Variants in SGSH observed in about 807,000 individuals in gnomAD.
The protein encoded by SGSH is N-sulfoglucosamine sulfohydrolase.
In SGSH, 48 loss-of-function variants were observed where a neutral mutation model predicts 51.0. The ratio of observed to expected loss-of-function variants is 0.94; its 90% confidence interval spans 0.75 to 1.20. The LOEUF is 1.20. Among genes scored for constraint, SGSH ranks in the 50% most tolerant of loss-of-function variants. The pLI, the probability that SGSH is intolerant of heterozygous loss-of-function variation, is 0.00. For synonymous variants in SGSH, 321 were observed against 313.4 expected (o/e 1.02, Z -0.26); for missense variants, 662 against 717.8 (o/e 0.92, Z 0.89).
intron 1 of SGSH, among the ~76,000 whole-genome samples, chr17:80,217,761 A>G (rs2041947280): frequency 6.7e-6 from 1 of 149,148 alleles, no homozygotes; most frequent in African/African-American, 2.5e-5. Flanking sequence ...GTAGACTGGT[A>G]TCCAGCAGGG....
At position 80,214,538 on chromosome 17, in the gene SGSH, T is replaced by C. The variant is rs1223223132; in HGVS notation, c.506+77A>G. The C allele has an allele frequency of 5.4e-6, 8 of 1,492,258 alleles. No individual in the cohort carries two copies. The East Asian group carries it at 1.5e-4, about 27-fold the overall frequency. The allele number at this position is 1,492,258 out of a possible 1,614,324, so 92.4% of individuals were successfully genotyped here. On this transcript the variant is annotated intron_variant, in intron 4 of 7. Transcript: ENST00000326317. ...CCCATTCGAGCCACGTGGGGGCCCA[T>C]GCATCCCGCCGGAAGACTCCGGGCT...
downstream of SGSH, chr17:80,201,744 G>A (rs555817181): frequency 6.2e-7 from 1 of 1,614,028 alleles, no homozygotes; most frequent in African/African-American, 1.3e-5. This position sits in a 1 kb window ranked among gnomAD's most constrained non-coding sequence, Gnocchi z 5.0. Context: ...TTGCCCTCAG[G>A]TTGATTACGA....
At position 80,212,221 on chromosome 17, in the gene SGSH, G is replaced by A. The variant is rs1182273458; in HGVS notation, c.799C>T (p.Leu267=). 6.2e-7 allele frequency: 1 copy of A among 1,613,292 alleles called. No individual in the cohort carries two copies. Among genetic ancestry groups the A allele is most frequent in the East Asian group, 2.2e-5 (1 of 44,882 alleles). Residue 267 remains leucine, a synonymous_variant, in exon 7 of 8, where the codon CTG becomes TTG. Transcript: ENST00000326317. This position sits in a 1 kb window ranked among gnomAD's most constrained non-coding sequence, Gnocchi z 5.9. ...LRDAGVLNDT[L]VIFTSDNGIP... is the part of the protein sequence containing the mutation. Reference sequence around the variant, plus strand: ...CCGTTGTCGGACGTGAAGATCACCAGTGTGTCGTTCAGGACACCGGCGTCA... The same window carrying A: ...CCGTTGTCGGACGTGAAGATCACCAATGTGTCGTTCAGGACACCGGCGTCA...
the SGSH span, chr17:80,200,786 A>C: frequency 6.3e-6 from 1 of 158,938 alleles, no homozygotes; most frequent in Non-Finnish European, 1.4e-5. Flanking sequence ...TCCTGCAACT[A>C]GACGGTCCCA....
downstream of SGSH, chr17:80,206,874 G>T (rs2041347707): frequency 8.2e-6 from 6 of 732,324 alleles, no homozygotes; most frequent in Non-Finnish European, 1.1e-5. Flanking sequence ...CCTGCCCTCA[G>T]CCTGTCCGGA....
Position 80,209,894 on chromosome 17 carries a change from G to C in SGSH, c.*558C>G. 1 of 992,372 alleles carries C rather than the reference G, an allele frequency of 1.0e-6. No homozygotes were observed. The highest frequency in any genetic ancestry group is 1.7e-5 in the African/African-American group (1 of 57,414). The allele number at this position is 992,372 out of a possible 1,614,324, so 61.5% of individuals were successfully genotyped here. A position where few individuals can be genotyped will look rare whatever the true frequency, so the allele number is the denominator to read the frequency against. On this transcript the variant is annotated 3_prime_UTR_variant, in exon 8 of 8. Coordinates refer to ENST00000326317, the MANE Select transcript of SGSH (RefSeq NM_000199.5). ...GGCAAAACAGAAGAAGCAGAAACCT[G>C]CCCAAAGGTCGCTCAAAGGCTTCCT... is the stretch of plus-strand genomic sequence containing the variant.
chr17:80,206,209 C>T (rs1364954503), downstream of SGSH, among the ~76,000 whole-genome samples: 1 of 152,070 alleles, frequency 6.6e-6, no homozygotes, highest in African/African-American at 2.4e-5. Context: ...TCACGCCTGT[C>T]ATCCCAGCAC....
In SGSH at chr17:80,214,691, A is replaced by C. The variant is rs2041819610; in HGVS notation, c.430T>G (p.Ser144Ala). 6.2e-7 allele frequency: 1 copy of C among 1,613,044 alleles called. No homozygotes were observed. Among genetic ancestry groups the C allele is most frequent in the African/African-American group, 1.3e-5 (1 of 74,898 alleles). ...ATGTTCCGCCCCACCTGGAGGACGGAGCCATTCTCCTCCGTGTACGCAAAG... is the reference window on the plus strand; with the variant it reads ...ATGTTCCGCCCCACCTGGAGGACGGCGCCATTCTCCTCCGTGTACGCAAAG... ...FDFAYTEENG[S>A]VLQVGRNITR... The change falls in exon 4 of 8, where the codon TCC becomes GCC. Residue 144 changes from serine (S) to alanine (A), a missense_variant. By Grantham distance (99) the Ser-to-Ala change is moderately conservative. Coordinates refer to ENST00000326317, the MANE Select transcript of SGSH (RefSeq NM_000199.5).
downstream of SGSH, among the ~76,000 whole-genome samples, chr17:80,207,321 T>C (rs1353212501): frequency 2.0e-5 from 3 of 152,146 alleles, no homozygotes; most frequent in South Asian, 2.1e-4. Flanking sequence ...GAGGCCAGGG[T>C]GGGCAGATTG....
chr17:80,212,030 C>T lies in SGSH; in HGVS notation c.949+41G>A, dbSNP rs1363643957. ...ACAGGTCATGGCCCCGTCCCAGATC[C>T]ACTCCCACACCTTTCCTGACGGAGA... On this transcript the variant is annotated intron_variant, in intron 7 of 7. Coordinates refer to ENST00000326317, the MANE Select transcript of SGSH (RefSeq NM_000199.5). The surrounding 1 kb of genome is among the most constrained non-coding windows in gnomAD (Gnocchi z 5.9). 1.3e-6 allele frequency: 2 copies of T among 1,557,402 alleles called. No homozygotes were observed. Among genetic ancestry groups the T allele is most frequent in the Admixed American group, 1.7e-5 (1 of 59,812 alleles).
rs1467308564 is a variant in SGSH, at chr17:80,210,039, T to C, written c.*413A>G. ...GCTCTCTGTGAAGGGTTCAGAAGTA[T>C]CTGTGGCTGCCAAAGCCTGAAGAGG... On this transcript the variant is annotated 3_prime_UTR_variant, in exon 8 of 8. Transcript: ENST00000326317. 10 of 1,099,244 alleles carry C rather than the reference T, an allele frequency of 9.1e-6. No homozygotes were observed. Among genetic ancestry groups the C allele is most frequent in the Non-Finnish European group, 8.9e-6 (8 of 898,200 alleles). The allele number at this position is 1,099,244 out of a possible 1,614,324, so 68.1% of individuals were successfully genotyped here.
chr17:80,218,656 C>T (rs867229990), intron 1 of SGSH, among the ~76,000 whole-genome samples: 2 of 152,206 alleles, frequency 1.3e-5, no homozygotes, highest in South Asian at 2.1e-4. Context: ...GCTCCGTACC[C>T]GCAGGCCAGG....
At chr17:80,205,118 C>T (rs1022967956), downstream of SGSH, 28 of 1,613,540 alleles carry the variant, frequency 1.7e-5, no homozygotes, top group Non-Finnish European at 2.2e-5. Context: ...CGCCCGGCCC[C>T]GGCCTGTGCT....
At chr17:80,208,111 C>A (rs771489106), downstream of SGSH, 4 of 1,482,696 alleles carry the variant, frequency 2.7e-6, no homozygotes, top group South Asian at 5.3e-5. Flanking sequence ...CCCCTGAGCC[C>A]GCCCCCCCCA....
At chr17:80,211,043 A>G in intron 7 of SGSH, 32 bp from the exon 8 acceptor site, 1 of 1,597,666 alleles carries the variant, frequency 6.3e-7, no homozygotes, top group Non-Finnish European at 8.5e-7. Flanking sequence ...AGAGCAGCAG[A>G]GCCCTCAGCA....
At chr17:80,215,851 C>A (rs1399073533) in intron 2 of SGSH, among the ~76,000 whole-genome samples, 2 of 152,098 alleles carry the variant, frequency 1.3e-5, no homozygotes, top group Non-Finnish European at 2.9e-5. Context: ...TTCATAGCAG[C>A]TTTATTCACA....
chr17:80,207,662 CA>C (rs2041408991), downstream of SGSH: 1 of 159,832 alleles, frequency 6.3e-6, no homozygotes, highest in Non-Finnish European at 1.4e-5. Flanking sequence ...GTGCCTTTTA[CA>C]GTGGGCAAAA....
At chr17:80,202,708 G>T (rs1255371648), downstream of SGSH, 7 of 930,852 alleles carry the variant, frequency 7.5e-6, no homozygotes, top group South Asian at 5.7e-5. Flanking sequence ...ATCCCCGTCT[G>T]TGGTGGGGCC....
Position 80,214,334 on chromosome 17 carries a change from C to G in SGSH, c.507-6G>C. On this transcript the variant is annotated splice_polypyrimidine_tract_variant and splice_region_variant and intron_variant, in intron 4 of 7. Coordinates refer to ENST00000326317, the MANE Select transcript of SGSH (RefSeq NM_000199.5). ...CGACGTAGAGGAAGAAAGGCCTGCA[C>G]GGGAGGAGGCTCATTGCCAAGGCTG... 6.2e-7 allele frequency: 1 copy of G among 1,610,816 alleles called. No homozygotes were observed. Among genetic ancestry groups the G allele is most frequent in the Non-Finnish European group, 8.5e-7 (1 of 1,178,582 alleles).
Sources: allele counts gnomAD v4.1 joint callset (sites outside exome capture counted in the v4.1 genomes callset), GRCh38; gene constraint gnomAD v4.1.1; non-coding constraint Gnocchi (gnomAD v3.1); transcripts MANE v1.5; gene names NCBI Gene and HGNC (gene_info 2026-07-23, HGNC 2026-07-21).